The following PPP1R12A variants were observed in gnomAD, a reference collection of about 807,000 sequenced individuals.
PPP1R12A encodes the protein myosin binding subunit.
In PPP1R12A, 19 loss-of-function variants were observed where a neutral mutation model predicts 139.6. The observed-to-expected ratio is 0.14, with a 90% CI of 0.09 to 0.20. The LOEUF (loss-of-function observed/expected upper bound fraction) is 0.20, where lower values mean the gene tolerates loss of function less well. Among genes scored for constraint, PPP1R12A ranks in the 10% least tolerant of loss-of-function variants. The pLI, the probability that PPP1R12A is intolerant of heterozygous loss-of-function variation, is 1.00. For synonymous variants in PPP1R12A, 427 were observed against 420.6 expected, an observed-to-expected ratio of 1.02 and a Z score of -0.19; for missense variants, 925 against 1,211.5, an observed-to-expected ratio of 0.76 and a Z score of 3.51.
At chr12:79,895,034 A>G (rs1885009493) in intron 1 of PPP1R12A, among the ~76,000 whole-genome samples, 1 of 152,192 alleles carries the variant, frequency 6.6e-6, no homozygotes. Flanking sequence ...GTAAAATAAA[A>G]GTCTTTATGC....
chr12:79,848,649 A>ATATG (rs1565776499), intron 2 of PPP1R12A: 1 of 152,210 alleles, frequency 6.6e-6, no homozygotes, highest in African/African-American at 2.4e-5. Flanking sequence ...GTGTATGTAC[A>ATATG]TATGTATGTA....
At chr12:79,905,337 C>T (rs1565809072) in intron 1 of PPP1R12A, among the ~76,000 whole-genome samples, 1 of 46,344 alleles carries the variant, frequency 2.2e-5, no homozygotes, top group African/African-American at 3.8e-5. Flanking sequence ...TTTTGTTTTG[C>T]CGCCCCCCCC....
chr12:79,804,421 T>C (rs982634632), intron 14 of PPP1R12A, among the ~76,000 whole-genome samples: 2 of 151,878 alleles, frequency 1.3e-5, no homozygotes, highest in Non-Finnish European at 2.9e-5. Flanking sequence ...AATTTCACCA[T>C]AGAAATAGAA....
At chr12:79,854,933 AAGGTGTTGGGATTAT>A (rs1409917085) in intron 2 of PPP1R12A, among the ~76,000 whole-genome samples, 1 of 152,028 alleles carries the variant, frequency 6.6e-6, no homozygotes, top group Non-Finnish European at 1.5e-5. Flanking sequence ...TAGGCCTCTC[AAGGTGTTGGGATTAT>A]AGGTGTTGGC....
At chr12:79,912,637 T>G (rs1044748220) in intron 1 of PPP1R12A, among the ~76,000 whole-genome samples, 30 of 150,460 alleles carry the variant, frequency 2.0e-4, no homozygotes, top group African/African-American at 7.1e-4. Context: ...AAGGCTGCAG[T>G]GAGCCGTGAT....
intron 3 of PPP1R12A, among the ~76,000 whole-genome samples, chr12:79,834,942 T>A (rs1195843210): frequency 6.6e-6 from 1 of 152,150 alleles, no homozygotes; most frequent in African/African-American, 2.4e-5. Context: ...TTAACTGGAT[T>A]GAGAGATTCC....
At chr12:79,919,072 C>T (rs1322524239) in intron 1 of PPP1R12A, among the ~76,000 whole-genome samples, 4 of 151,774 alleles carry the variant, frequency 2.6e-5, no homozygotes, top group Non-Finnish European at 4.4e-5. Context: ...GCTGAGATCA[C>T]GCCACTGTAC....
chr12:79,826,858 T>C (rs966780573), intron 5 of PPP1R12A, among the ~76,000 whole-genome samples: 1 of 152,194 alleles, frequency 6.6e-6, no homozygotes, highest in African/African-American at 2.4e-5. Context: ...GCTTCTCTCA[T>C]CTAGTTCTCA....
At chr12:79,901,956 T>C (rs1037740222) in intron 1 of PPP1R12A, among the ~76,000 whole-genome samples, 3 of 152,258 alleles carry the variant, frequency 2.0e-5, no homozygotes, top group East Asian at 3.9e-4. Flanking sequence ...GAAAGACTGT[T>C]CTATGCAAAG....
intron 2 of PPP1R12A, among the ~76,000 whole-genome samples, chr12:79,862,043 G>A (rs755624594): frequency 1.3e-5 from 2 of 152,134 alleles, no homozygotes; most frequent in Non-Finnish European, 1.5e-5. Context: ...CAGCCTGGCT[G>A]GGAGACACCT....
intron 10 of PPP1R12A, among the ~76,000 whole-genome samples, chr12:79,809,578 GGAGTA>G (rs1874280645): frequency 6.6e-6 from 1 of 151,906 alleles, no homozygotes; most frequent in African/African-American, 2.4e-5. Flanking sequence ...TTCCTTTAAC[GGAGTA>G]TAGTCCCATA....
At chr12:79,891,057 A>T (rs1267374193) in intron 1 of PPP1R12A, among the ~76,000 whole-genome samples, 2 of 152,142 alleles carry the variant, frequency 1.3e-5, no homozygotes, top group Admixed American at 1.3e-4. Context: ...AGAAAAAAAA[A>T]GTTGGAAGGC....
chr12:79,823,092 T>C lies in PPP1R12A; in HGVS notation c.793-902A>G, dbSNP rs557580139. On this transcript the variant is annotated intron_variant, in intron 5 of 24. Transcript: ENST00000450142. ...TTTAAAATTAGTCCACATGAACATA[T>C]GTCAATCCATTTTAATTCACTGTGA... Among the ~76,000 whole-genome samples the C allele has an allele frequency of 2.0e-5, 3 of 152,236 alleles. No homozygotes were observed. The South Asian group carries it at 6.2e-4, about 32-fold the overall frequency.
intron 2 of PPP1R12A, among the ~76,000 whole-genome samples, chr12:79,853,267 T>C (rs954665278): frequency 4.6e-5 from 7 of 152,198 alleles, no homozygotes; most frequent in African/African-American, 1.7e-4. Context: ...TGCTGGCGCT[T>C]TCTTTGTCTG....
At chr12:79,863,156 C>T (rs1028406702) in intron 2 of PPP1R12A, among the ~76,000 whole-genome samples, 12 of 152,162 alleles carry the variant, frequency 7.9e-5, no homozygotes, top group African/African-American at 2.2e-4. Flanking sequence ...GAGTGGGGGC[C>T]GATATTCAAC....
chr12:79,850,955 G>C (rs980341476), intron 2 of PPP1R12A, among the ~76,000 whole-genome samples: 1 of 152,172 alleles, frequency 6.6e-6, no homozygotes, highest in Non-Finnish European at 1.5e-5. Flanking sequence ...GGAACTGTGA[G>C]TCAATTATAC....
At chr12:79,806,873 C>T (rs1319943542) in intron 12 of PPP1R12A, 1 of 172,560 alleles carries the variant, frequency 5.8e-6, no homozygotes, top group Non-Finnish European at 1.2e-5. Context: ...GCTCTGAGTT[C>T]TAGGGCAAGC....
intron 2 of PPP1R12A, among the ~76,000 whole-genome samples, chr12:79,865,689 G>A (rs1881883138): frequency 6.6e-6 from 1 of 152,114 alleles, no homozygotes; most frequent in African/African-American, 2.4e-5. Context: ...CAAACAGAGA[G>A]CCAGATCATG....
At chr12:79,851,780 T>C (rs1461014099) in intron 2 of PPP1R12A, among the ~76,000 whole-genome samples, 1 of 152,232 alleles carries the variant, frequency 6.6e-6, no homozygotes, top group African/African-American at 2.4e-5. Context: ...ATGTTTGCTC[T>C]TTTGCTACAG....
Sources: gnomAD v4.1 joint callset for allele counts (sites outside exome capture counted in the v4.1 genomes callset) on GRCh38, gnomAD v4.1.1 for gene constraint, MANE v1.5 for transcripts, NCBI Gene and HGNC (gene_info 2026-07-23, HGNC 2026-07-21) for gene names.